ANKS1B: variants seen among roughly 807,000 people sequenced by gnomAD.
ANKS1B encodes ankyrin repeat and sterile alpha motif domain containing 1B.
A neutral mutation model predicts 148.3 loss-of-function variants in ANKS1B; 36 were observed. The observed-to-expected ratio is 0.24, with a 90% CI of 0.19 to 0.32. The LOEUF is 0.32. Among genes scored for constraint, ANKS1B ranks in the 10% least tolerant of loss-of-function variants. ANKS1B has a pLI of 1.00. For missense variants in ANKS1B, 1,157 were observed against 1,542.6 expected (o/e 0.75, Z 4.19); for synonymous variants, 542 against 560.8 (o/e 0.97, Z 0.47).
chr12:98,794,615 T>C, intron 22 of ANKS1B: 1 of 810,348 alleles, frequency 1.2e-6, no homozygotes, highest in Non-Finnish European at 2.2e-6. Flanking sequence ...TAAAAAGAAG[T>C]GCGATCCTCA....
intron 1 of ANKS1B, among the ~76,000 whole-genome samples, chr12:99,960,947 G>A (rs1253657733): frequency 2.0e-5 from 3 of 152,144 alleles, no homozygotes; most frequent in African/African-American, 7.2e-5. Flanking sequence ...GAAGTTAGGG[G>A]CTGGGCATGA....
intron 12 of ANKS1B, among the ~76,000 whole-genome samples, chr12:99,359,190 C>T (rs2092289440): frequency 1.3e-5 from 2 of 152,110 alleles, no homozygotes; most frequent in Admixed American, 6.6e-5. Flanking sequence ...TGAAATATTG[C>T]TCTGTTATCC....
chr12:99,276,235 G>A (rs1289050300), intron 12 of ANKS1B, among the ~76,000 whole-genome samples: 2 of 152,098 alleles, frequency 1.3e-5, no homozygotes, highest in Non-Finnish European at 2.9e-5. Context: ...GACGGTTTGG[G>A]ACATTAAATT....
At chr12:99,432,477 A>G (rs1169014959) in intron 11 of ANKS1B, among the ~76,000 whole-genome samples, 1 of 152,154 alleles carries the variant, frequency 6.6e-6, no homozygotes, top group Non-Finnish European at 1.5e-5. Flanking sequence ...GGAGGGAGGA[A>G]AAGAGAGGGA....
chr12:98,842,971 A>T (rs17028738), intron 17 of ANKS1B, among the ~76,000 whole-genome samples: 4,669 of 152,300 alleles, frequency 0.031, 209 homozygotes, highest in East Asian at 0.17. Context: ...CTTTCTAAGT[A>T]CTTACAACAA....
chr12:99,659,530 T>C (rs1490261055), intron 8 of ANKS1B, among the ~76,000 whole-genome samples: 2 of 152,138 alleles, frequency 1.3e-5, no homozygotes, highest in African/African-American at 2.4e-5. Context: ...AATAATATAC[T>C]GTAGGGAGAC....
At chr12:98,855,186 C>A (rs1302878363) in intron 17 of ANKS1B, among the ~76,000 whole-genome samples, 1 of 137,684 alleles carries the variant, frequency 7.3e-6, no homozygotes, top group Non-Finnish European at 1.7e-5. Flanking sequence ...AAAAAAAAAT[C>A]TCTTAAGAAA....
chr12:99,212,653 T>G (rs1183685580), intron 14 of ANKS1B, among the ~76,000 whole-genome samples: 2 of 152,236 alleles, frequency 1.3e-5, no homozygotes, highest in African/African-American at 2.4e-5. Context: ...GGTTTCTTTG[T>G]AAGCCAAATA....
chr12:99,757,183 TTTTTGGAAAC>T (rs766221281), intron 8 of ANKS1B, among the ~76,000 whole-genome samples: 5 of 151,832 alleles, frequency 3.3e-5, no homozygotes, highest in Non-Finnish European at 5.9e-5. Context: ...TGGGAGAAAA[TTTTTGGAAAC>T]TATGCATCCA....
At chr12:99,886,905 AT>A in intron 1 of ANKS1B, among the ~76,000 whole-genome samples, 1 of 152,344 alleles carries the variant, frequency 6.6e-6, no homozygotes, top group Non-Finnish European at 1.5e-5. Flanking sequence ...AACTCAGAGC[AT>A]GACTTATAGA....
chr12:99,226,616 T>C (rs1430500235), intron 14 of ANKS1B, among the ~76,000 whole-genome samples: 1 of 152,240 alleles, frequency 6.6e-6, no homozygotes, highest in South Asian at 2.1e-4. Flanking sequence ...ATTTTCCTAA[T>C]TGATGGCTAC....
At chr12:99,136,207 G>A (rs2067992956) in intron 15 of ANKS1B, among the ~76,000 whole-genome samples, 1 of 152,184 alleles carries the variant, frequency 6.6e-6, no homozygotes, top group African/African-American at 2.4e-5. Context: ...CTGCCTCTCA[G>A]GACCCAGGTA....
In ANKS1B at chr12:99,657,897, CAAA is replaced by C. The variant is rs58151526; in HGVS notation, c.1129-2690_1129-2688del. On this transcript the variant is annotated intron_variant, in intron 8 of 26. Coordinates refer to ENST00000683438, the MANE Select transcript of ANKS1B (RefSeq NM_001352186.2). ...CTTCCTCTATCTCTTTCTCCTCCCT[CAAA>C]AAAAAAAAAAAAAAAAAAAAAAGCT... 4.0e-3 allele frequency among the ~76,000 whole-genome samples: 298 copies of C among 75,362 alleles called. 3 individuals are homozygous for C. Among genetic ancestry groups the C allele is most frequent in the East Asian group, 0.013 (22 of 1,746 alleles). 49.4% of individuals were successfully genotyped at this position (75,362 alleles called of 152,430 possible).
At chr12:99,895,334 A>G (rs993304084) in intron 1 of ANKS1B, among the ~76,000 whole-genome samples, 1 of 150,778 alleles carries the variant, frequency 6.6e-6, no homozygotes, top group Non-Finnish European at 1.5e-5. Flanking sequence ...AATAATTACT[A>G]TAAGTTACCT....
At chr12:99,753,911 A>G (rs1206633070) in intron 8 of ANKS1B, among the ~76,000 whole-genome samples, 2 of 151,924 alleles carry the variant, frequency 1.3e-5, no homozygotes, top group African/African-American at 4.8e-5. Context: ...TAATCCCAGC[A>G]ACTCAGGAGG....
chr12:99,843,118 C>T (rs1423405713), intron 1 of ANKS1B, among the ~76,000 whole-genome samples: 1 of 152,028 alleles, frequency 6.6e-6, no homozygotes, highest in Non-Finnish European at 1.5e-5. Context: ...AACGTGCAGG[C>T]TTGTTACACA....
intron 12 of ANKS1B, among the ~76,000 whole-genome samples, chr12:99,269,598 G>C (rs1049030658): frequency 1.3e-5 from 2 of 151,644 alleles, no homozygotes; most frequent in African/African-American, 4.8e-5. Context: ...TCACTCTGTT[G>C]CTCAGGCTGG....
At chr12:99,536,549 A>G (rs1358909957) in intron 9 of ANKS1B, among the ~76,000 whole-genome samples, 1 of 152,188 alleles carries the variant, frequency 6.6e-6, no homozygotes, top group Non-Finnish European at 1.5e-5. Context: ...AAATATTTCC[A>G]TAAAGAAAAA....
chr12:99,423,018 CTTG>C (rs1374354855), intron 11 of ANKS1B, among the ~76,000 whole-genome samples: 2 of 152,028 alleles, frequency 1.3e-5, no homozygotes, highest in Non-Finnish European at 2.9e-5. Context: ...GAGGTAATTC[CTTG>C]TTGATGACTT....
Sources: allele counts gnomAD v4.1 joint callset (sites outside exome capture counted in the v4.1 genomes callset), GRCh38; gene constraint gnomAD v4.1.1; transcripts MANE v1.5; gene names NCBI Gene and HGNC (gene_info 2026-07-23, HGNC 2026-07-21).